Variants in COQ9 observed in about 807,000 individuals in gnomAD.
The protein encoded by COQ9 is ubiquinone biosynthesis protein COQ9, mitochondrial.
COQ9 carries 35 observed loss-of-function variants against 42.4 expected under a neutral mutation model. That is an observed-to-expected ratio of 0.83 (90% CI 0.63 to 1.10). The LOEUF (loss-of-function observed/expected upper bound fraction) is 1.10. Ranked by LOEUF, COQ9 falls within the 50% of genes least tolerant of loss-of-function variation. The pLI is 0.00. For synonymous variants in COQ9, 155 were observed against 155.1 expected, an observed-to-expected ratio of 1.00 and a Z score of 0.00; for missense variants, 406 against 414.6, an observed-to-expected ratio of 0.98 and a Z score of 0.18.
chr16:57,453,838 A>G (rs947132129), intron 3 of COQ9: 1 of 152,250 alleles, frequency 6.6e-6, no homozygotes, highest in Admixed American at 6.5e-5. Flanking sequence ...GATCTTTCCA[A>G]TTAAAACCCT....
intron 3 of COQ9, chr16:57,453,742 A>C (rs1434992826): frequency 2.0e-5 from 3 of 152,318 alleles, no homozygotes; most frequent in Non-Finnish European, 4.4e-5. Context: ...TCATTGTGAA[A>C]ACTGAACAAT....
intron 6 of COQ9, among the ~76,000 whole-genome samples, chr16:57,458,770 G>A (rs2146592593): frequency 6.6e-6 from 1 of 152,274 alleles, no homozygotes; most frequent in African/African-American, 2.4e-5. Context: ...GGCCTGCTTT[G>A]CTAAGTGATC....
rs1197529340 is a variant in COQ9 at position 57,461,147 on chromosome 16, T to G, written c.*523T>G. On this transcript the variant is annotated 3_prime_UTR_variant, in exon 9 of 9. Transcript: ENST00000262507. ...AGCCCCCTCAGAAAACTGCCTCACC[T>G]GAGACAAGTGCCTGCTGGACAGAGG... 4.4e-6 allele frequency: 2 copies of G among 455,662 alleles called. No individual in the cohort carries two copies. Among genetic ancestry groups the G allele is most frequent in the Non-Finnish European group, 8.8e-6 (2 of 226,742 alleles). The allele number at this position is 455,662 out of a possible 1,614,324, so 28.2% of individuals were successfully genotyped here.
Position 57,459,578 on chromosome 16 carries a change from C to T in COQ9, c.725C>T (p.Thr242Ile), listed in dbSNP as rs149342311. The change falls in exon 7 of 9, where the codon ACC (threonine) becomes ATC (isoleucine). Residue 242 changes from threonine (T) to isoleucine (I), a missense_variant. By Grantham distance (89) the Thr-to-Ile change is moderately conservative. Transcript: ENST00000262507. ...GTTTCTTTACAGTTTAACTGGTACA[C>T]CCGCCGAGCCATGCTGGCTGCCATC... ...GDQSTDFNWYTRRAMLAAIYN... is the reference protein window; with the variant it reads ...GDQSTDFNWYIRRAMLAAIYN... 2.4e-5 allele frequency: 38 copies of T among 1,614,148 alleles called. No individual in the cohort carries two copies. The African/African-American group carries it at 4.8e-4, about 20-fold the overall frequency.
At chr16:57,449,278 T>C (rs509704) in intron 1 of COQ9, among the ~76,000 whole-genome samples, 9,546 of 152,246 alleles carry the variant, frequency 0.063, 383 homozygotes, top group Admixed American at 0.096. Flanking sequence ...AGCCTTGAGT[T>C]TTCTCAGGCA....
At chr16:57,450,792 A>G in intron 1 of COQ9, 1 of 560,218 alleles carries the variant, frequency 1.8e-6, no homozygotes. Context: ...CCAGTTACCC[A>G]GGTAACAAGT....
intron 5 of COQ9, chr16:57,457,431 T>C (rs1437364720): frequency 3.0e-6 from 1 of 338,706 alleles, no homozygotes; most frequent in Non-Finnish European, 5.7e-6. Flanking sequence ...ATGTGATGCT[T>C]GGGGACTGGC....
intron 8 of COQ9, among the ~76,000 whole-genome samples, chr16:57,460,383 T>G (rs1250188470): frequency 6.6e-6 from 1 of 151,826 alleles, no homozygotes; most frequent in Non-Finnish European, 1.5e-5. Context: ...CTTGGCCAGG[T>G]GCAGTGGCTC....
intron 5 of COQ9, among the ~76,000 whole-genome samples, chr16:57,457,755 C>A (rs1359254601): frequency 6.6e-6 from 1 of 152,214 alleles, no homozygotes; most frequent in Non-Finnish European, 1.5e-5. Flanking sequence ...CTTCCTGATT[C>A]AGCATAGTGT....
intron 3 of COQ9, among the ~76,000 whole-genome samples, chr16:57,455,031 CAG>C (rs1292854880): frequency 1.3e-5 from 2 of 152,088 alleles, no homozygotes; most frequent in Non-Finnish European, 2.9e-5. Context: ...GGATTGGAGG[CAG>C]AGAGAGACTC....
At chr16:57,458,106 A>G in intron 5 of COQ9, 140 bp from the exon 6 acceptor site, 1 of 706,482 alleles carries the variant, frequency 1.4e-6, no homozygotes, top group Non-Finnish European at 2.6e-6. Flanking sequence ...CCCACAACTC[A>G]CGCCAGTGGG....
chr16:57,460,627 G>T lies in COQ9; in HGVS notation c.*3G>T, dbSNP rs375403454. On this transcript the variant is annotated 3_prime_UTR_variant, in exon 9 of 9. Coordinates refer to ENST00000262507, the MANE Select transcript of COQ9 (RefSeq NM_020312.4). ...CAGGTCTAAACCAGCGTCGGTGAGA[G>T]GAAGGGGTATAAGCTACAATGCCTA... 10 of 1,613,422 alleles carry T rather than the reference G, an allele frequency of 6.2e-6. No individual in the cohort carries two copies. In the South Asian group the frequency reaches 7.7e-5, roughly 12 times the overall value.
rs2146590920 is a variant in COQ9 at position 57,456,627 on chromosome 16, G to A, written c.502G>A (p.Val168Ile). 6.2e-7 allele frequency: 1 copy of A among 1,614,000 alleles called. No individual in the cohort carries two copies. The highest frequency in any genetic ancestry group is 8.5e-7 in the Non-Finnish European group (1 of 1,180,018). Residue 168 changes from valine (V) to isoleucine (I), a missense_variant, in exon 4 of 9, where the codon GTA becomes ATA. By Grantham distance (29) the Val-to-Ile change is conservative. Coordinates refer to ENST00000262507, the MANE Select transcript of COQ9 (RefSeq NM_020312.4). ...TRVLEEEQKL[V>I]QLGQAEKRKT... is the part of the protein sequence containing the mutation. ...TGTGCTAGAAGAGGAGCAGAAGCTG[G>A]TACAGTTGGGCCAGGCGGAGTAAGT...
chr16:57,460,169 T>C, intron 8 of COQ9, 65 bp downstream of exon 8: 2 of 1,487,036 alleles, frequency 1.3e-6, no homozygotes, highest in Non-Finnish European at 1.9e-6. Flanking sequence ...ATACATGTGT[T>C]ACTGACTTCA....
At chr16:57,453,386 G>C (rs2030334182) in intron 3 of COQ9, 1 of 269,798 alleles carries the variant, frequency 3.7e-6, no homozygotes, top group African/African-American at 2.2e-5. Flanking sequence ...CCCCAAGAAG[G>C]CACCACTTTG....
rs1202374975 is a variant in COQ9, at chr16:57,452,361, G to A, written c.243-440G>A. Among the ~76,000 whole-genome samples the A allele has an allele frequency of 2.0e-5, 3 of 152,252 alleles. No individual in the cohort carries two copies. The South Asian group carries it at 6.2e-4, about 31-fold the overall frequency. On this transcript the variant is annotated intron_variant, in intron 2 of 8. Coordinates refer to ENST00000262507, the MANE Select transcript of COQ9 (RefSeq NM_020312.4). ...TGTTGGCATTAAAACGTTGATACTG[G>A]CTGGGCGCGGTGGCTCGCGCCTATA... is the stretch of plus-strand genomic sequence containing the variant.
chr16:57,449,285 G>A (rs1473909302), intron 1 of COQ9, among the ~76,000 whole-genome samples: 1 of 152,138 alleles, frequency 6.6e-6, no homozygotes, highest in Non-Finnish European at 1.5e-5. Context: ...AGTTTTCTCA[G>A]GCAGGCACTT....
intron 3 of COQ9, among the ~76,000 whole-genome samples, chr16:57,454,898 G>A (rs554889468): frequency 3.3e-5 from 5 of 152,148 alleles, no homozygotes; most frequent in Non-Finnish European, 7.4e-5. Flanking sequence ...GTCAGTCGAG[G>A]TCAAATCAGG....
chr16:57,455,623 A>C, intron 3 of COQ9, among the ~76,000 whole-genome samples: 1 of 151,988 alleles, frequency 6.6e-6, no homozygotes, highest in Non-Finnish European at 1.5e-5. Flanking sequence ...TGGGGCAACA[A>C]CCGTTTGGGT....
Sources: gnomAD v4.1 joint callset for allele counts (sites outside exome capture counted in the v4.1 genomes callset) on GRCh38, gnomAD v4.1.1 for gene constraint, MANE v1.5 for transcripts, NCBI Gene and HGNC (gene_info 2026-07-23, HGNC 2026-07-21) for gene names.